The following LEPR variants were observed in gnomAD, a reference collection of about 807,000 sequenced individuals.
LEPR encodes the protein OB receptor.
LEPR carries 56 observed loss-of-function variants against 114.7 expected under a neutral mutation model. That is an observed-to-expected ratio of 0.49 (90% confidence interval 0.39 to 0.61). The LOEUF is 0.61. Among genes scored for constraint, LEPR ranks in the 20% least tolerant of loss-of-function variants. LEPR has a pLI of 0.00. For synonymous variants in LEPR, 443 were observed against 461.4 expected, an observed-to-expected ratio of 0.96 and a Z score of 0.51; for missense variants, 1,202 against 1,352.9, an observed-to-expected ratio of 0.89 and a Z score of 1.75.
chr1:65,445,432 C>T lies in LEPR; in HGVS notation c.-21+20054C>T, dbSNP rs1646701777. 2.0e-5 allele frequency among the ~76,000 whole-genome samples: 3 copies of T among 152,220 alleles called. No homozygotes were observed. The South Asian group carries it at 6.2e-4, about 32-fold the overall frequency. On this transcript the variant is annotated intron_variant, in intron 2 of 19. Transcript: ENST00000349533. ...TTGCTGGTAAGTATCATTCTTCCTT[C>T]TGTCCTTCGAACCCCAAATGACACA...
chr1:65,639,684 A>G lies in LEPR; in HGVS notation c.*2669A>G, dbSNP rs1658812460. On this transcript the variant is annotated 3_prime_UTR_variant, in exon 20 of 20. Coordinates refer to ENST00000349533, the MANE Select transcript of LEPR (RefSeq NM_002303.6). ...TTTTAATATTTCATTTTAAGGCCTT[A>G]AACCGAAACACAAGCTACTAATCAG... is the stretch of plus-strand genomic sequence containing the variant. The G allele has an allele frequency of 6.6e-6, 1 of 152,230 alleles. No homozygotes were observed. 9.4% of individuals were successfully genotyped at this position (152,230 alleles called of 1,614,324 possible). A position where few individuals can be genotyped will look rare whatever the true frequency, so the allele number is the denominator to read the frequency against.
In LEPR at chr1:65,565,557, T is replaced by C; in HGVS notation, c.-9T>C. 6.2e-7 allele frequency: 1 copy of C among 1,613,930 alleles called. No homozygotes were observed. The highest frequency in any genetic ancestry group is 1.1e-5 in the South Asian group (1 of 91,060). ...TTTACCTTTTCCAGGTGTACTTCTCTGAAGTAAGATGATTTGTCAAAAATT... is the reference window on the plus strand; with the variant it reads ...TTTACCTTTTCCAGGTGTACTTCTCCGAAGTAAGATGATTTGTCAAAAATT... On this transcript the variant is annotated 5_prime_UTR_variant, in exon 3 of 20. An upstream open reading frame in the 5' UTR loses its in-frame stop. Transcript: ENST00000349533.
chr1:65,432,664 G>A, intron 2 of LEPR: 5 of 983,654 alleles, frequency 5.1e-6, no homozygotes, highest in Non-Finnish European at 6.0e-6. Flanking sequence ...TATGAAAAGT[G>A]TTCTCAGAAT....
chr1:65,590,036 A>T (rs1032703506), intron 5 of LEPR, among the ~76,000 whole-genome samples: 8 of 151,902 alleles, frequency 5.3e-5, no homozygotes, highest in African/African-American at 1.9e-4. Flanking sequence ...AACCATATTG[A>T]GTCTTCTGAC....
intron 2 of LEPR, among the ~76,000 whole-genome samples, chr1:65,519,016 TTTC>T (rs1214749721): frequency 2.0e-5 from 3 of 150,678 alleles, no homozygotes; most frequent in Non-Finnish European, 4.4e-5. Flanking sequence ...TTTCTTTCTC[TTTC>T]TTTCTCTTTC....
At chr1:65,554,139 G>A (rs924076830) in intron 2 of LEPR, among the ~76,000 whole-genome samples, 11 of 152,150 alleles carry the variant, frequency 7.2e-5, no homozygotes, top group Admixed American at 2.0e-4. Context: ...TGAGGTGTCT[G>A]TTGACCCCTG....
intron 2 of LEPR, among the ~76,000 whole-genome samples, chr1:65,452,970 G>C (rs1451891149): frequency 7.2e-5 from 11 of 152,116 alleles, no homozygotes; most frequent in South Asian, 4.1e-4. Flanking sequence ...TGTTATTGGT[G>C]TATTCAGAGA....
At position 65,592,727 on chromosome 1, in the gene LEPR, A is replaced by G. The variant is rs1655789886; in HGVS notation, c.565A>G (p.Ser189Gly). The change falls in exon 6 of 20, where the codon AGT (serine) becomes GGT (glycine). Residue 189 changes from serine to glycine, a missense_variant. Physicochemically the swap from Ser to Gly is moderately conservative, Grantham distance 56. Transcript: ENST00000349533. Reference protein sequence around the residue: ...GSFQMVHCNCSVHECCECLVP... With the variant: ...GSFQMVHCNCGVHECCECLVP... The stretch of plus-strand genomic sequence containing the variant: ...TTTTCAGATGGTTCACTGCAATTGC[A>G]GTGTTCATGAATGTTGTGAATGTCT... 2 of 1,613,286 alleles carry G rather than the reference A, an allele frequency of 1.2e-6. No homozygotes were observed. The highest frequency in any genetic ancestry group is 2.2e-5 in the South Asian group (2 of 91,074).
At chr1:65,431,856 T>TA in intron 2 of LEPR, 1 of 1,614,158 alleles carries the variant, frequency 6.2e-7, no homozygotes, top group Non-Finnish European at 8.5e-7. Context: ...TCATTTTCCT[T>TA]ACAATTCAAG....
intron 2 of LEPR, among the ~76,000 whole-genome samples, chr1:65,471,021 G>A (rs572827786): frequency 6.6e-6 from 1 of 152,358 alleles, no homozygotes; most frequent in African/African-American, 2.4e-5. Flanking sequence ...AGCTCCAGAA[G>A]TGTTCTTGTA....
intron 2 of LEPR, among the ~76,000 whole-genome samples, chr1:65,502,687 T>C (rs541832383): frequency 1.2e-4 from 18 of 152,170 alleles, no homozygotes; most frequent in African/African-American, 3.6e-4. Flanking sequence ...GAAGCCTTCA[T>C]TGTGAGGCTG....
intron 2 of LEPR, chr1:65,435,681 CAA>C: frequency 2.0e-6 from 2 of 985,324 alleles, no homozygotes; most frequent in Non-Finnish European, 2.4e-6. Context: ...TGTGCCTTTG[CAA>C]AGTTTGCGAA....
In LEPR at chr1:65,640,657, A is replaced by C. The variant is rs1553175251; in HGVS notation, c.*3642A>C. Reference sequence around the variant, plus strand: ...TGTTAGGCGAACAACTTAAAACATGATCAGCCTGTATGAGAACTGGGATAT... The same window carrying C: ...TGTTAGGCGAACAACTTAAAACATGCTCAGCCTGTATGAGAACTGGGATAT... On this transcript the variant is annotated 3_prime_UTR_variant, in exon 20 of 20. Coordinates refer to ENST00000349533, the MANE Select transcript of LEPR (RefSeq NM_002303.6). 2 of 152,186 alleles carry C rather than the reference A, an allele frequency of 1.3e-5. No individual in the cohort carries two copies. The highest frequency in any genetic ancestry group is 1.5e-5 in the Non-Finnish European group (1 of 68,040). The allele number at this position is 152,186 out of a possible 1,614,324, so 9.4% of individuals were successfully genotyped here. A position where few individuals can be genotyped will look rare whatever the true frequency, so the allele number is the denominator to read the frequency against.
chr1:65,584,763 T>C (rs1219818333), intron 5 of LEPR, among the ~76,000 whole-genome samples: 1 of 152,110 alleles, frequency 6.6e-6, no homozygotes, highest in Non-Finnish European at 1.5e-5. Flanking sequence ...AGGTCTTCCC[T>C]CTCCCTTCAG....
chr1:65,525,952 C>A (rs2100595906), intron 2 of LEPR: 2 of 813,150 alleles, frequency 2.5e-6, no homozygotes, highest in East Asian at 1.2e-4. Context: ...GAGTCCGGGG[C>A]AGCTTAGCGG....
chr1:65,618,300 T>C (rs1032235889), intron 16 of LEPR, among the ~76,000 whole-genome samples, 154 bp downstream of exon 16: 1 of 147,322 alleles, frequency 6.8e-6, no homozygotes, highest in African/African-American at 2.5e-5. Flanking sequence ...TATCAAAACA[T>C]TTAATTCTCT....
chr1:65,632,042 C>A (rs1054686005), intron 19 of LEPR, among the ~76,000 whole-genome samples: 1 of 152,174 alleles, frequency 6.6e-6, no homozygotes, highest in African/African-American at 2.4e-5. Context: ...CTCCATTTAA[C>A]AACTTCCTTT....
At chr1:65,434,990 A>G (rs1034344525) in intron 2 of LEPR, 3 of 985,312 alleles carry the variant, frequency 3.0e-6, no homozygotes, top group African/African-American at 3.5e-5. Context: ...TGCCATTCCC[A>G]TGACTGCTGC....
At chr1:65,503,605 A>C (rs1382944703) in intron 2 of LEPR, among the ~76,000 whole-genome samples, 6 of 152,186 alleles carry the variant, frequency 3.9e-5, no homozygotes, top group Admixed American at 3.9e-4. Flanking sequence ...TGTGGATAGC[A>C]GGAAGCACGA....
Sources: allele counts gnomAD v4.1 joint callset (sites outside exome capture counted in the v4.1 genomes callset), GRCh38; gene constraint gnomAD v4.1.1; transcripts MANE v1.5; gene names NCBI Gene and HGNC (gene_info 2026-07-23, HGNC 2026-07-21).